Variants in CLDN14 observed in about 807,000 individuals in gnomAD.
The protein encoded by CLDN14 is claudin-14.
A neutral mutation model predicts 2.1 loss-of-function variants in CLDN14; 2 were observed. The observed-to-expected ratio is 0.96, with a 90% CI of 0.39 to 3.01. The LOEUF (loss-of-function observed/expected upper bound fraction) is 3.01. CLDN14 is among the 30% of genes most tolerant of loss of function. The pLI is 0.09. For synonymous variants in CLDN14, 136 were observed against 154.4 expected, an observed-to-expected ratio of 0.88 and a Z score of 0.88; for missense variants, 298 against 328.0, an observed-to-expected ratio of 0.91 and a Z score of 0.71.
intron 1 of CLDN14, among the ~76,000 whole-genome samples, chr21:36,554,059 C>T (rs1017937727): frequency 6.6e-6 from 1 of 152,158 alleles, no homozygotes; most frequent in Admixed American, 6.5e-5. Context: ...GGGACATCTA[C>T]GTGCCTTGCC....
intron 2 of CLDN14, among the ~76,000 whole-genome samples, chr21:36,491,989 A>G (rs1183083138): frequency 2.0e-5 from 3 of 152,122 alleles, no homozygotes; most frequent in Non-Finnish European, 2.9e-5. Context: ...CTTTGGAAAT[A>G]GAGTCTTTAT....
chr21:36,479,351 G>A (rs2086816899), intron 1 of CLDN14, 144 bp downstream of exon 1: 2 of 152,034 alleles, frequency 1.3e-5, no homozygotes, highest in Non-Finnish European at 2.9e-5. Context: ...TTCCTGTAGG[G>A]GCCAGCACGG....
rs56772352 is a variant in CLDN14 at position 36,523,781 on chromosome 21, G to GAGAAAGAAAGAA, written c.-219-13293_-219-13282dup. 2.8e-3 allele frequency among the ~76,000 whole-genome samples: 107 copies of GAGAAAGAAAGAA among 38,212 alleles called. 6 individuals are homozygous for GAGAAAGAAAGAA. Among genetic ancestry groups the GAGAAAGAAAGAA allele is most frequent in the African/African-American group, 6.6e-3 (90 of 13,688 alleles). 25.1% of individuals were successfully genotyped at this position (38,212 alleles called of 152,430 possible). ...AAAAAAAGAAAGAAAGAGAGAAAGAGAGAAAGAAAGAAAGAAAGAAAGAAA... is the reference window on the plus strand; with the variant it reads ...AAAAAAAGAAAGAAAGAGAGAAAGAGAGAAAGAAAGAAAGAAAGAAAGAAAGAAAGAAAGAAA... On this transcript the variant is annotated intron_variant, in intron 1 of 2. Transcript: ENST00000342108.
intron 1 of CLDN14, among the ~76,000 whole-genome samples, chr21:36,543,395 G>A (rs189029605): frequency 5.3e-5 from 8 of 152,224 alleles, no homozygotes; most frequent in East Asian, 3.9e-4. Flanking sequence ...CATAGTTCCC[G>A]TATGAAGATA....
chr21:36,570,240 G>A (rs1223448023), intron 1 of CLDN14, among the ~76,000 whole-genome samples: 1 of 152,230 alleles, frequency 6.6e-6, no homozygotes, highest in Non-Finnish European at 1.5e-5. Context: ...GGAGACCAAA[G>A]TTTGTCATGC....
At chr21:36,520,761 G>C (rs770979070) in intron 1 of CLDN14, among the ~76,000 whole-genome samples, 7 of 152,166 alleles carry the variant, frequency 4.6e-5, no homozygotes, top group Non-Finnish European at 8.8e-5. Flanking sequence ...AGTCACAACA[G>C]ATGGAGACTC....
intron 1 of CLDN14, among the ~76,000 whole-genome samples, chr21:36,567,340 G>A (rs907379003): frequency 1.3e-5 from 2 of 152,216 alleles, no homozygotes; most frequent in Admixed American, 1.3e-4. Flanking sequence ...AAGGCACATC[G>A]CTTCAATTAA....
upstream of CLDN14, among the ~76,000 whole-genome samples, chr21:36,482,678 C>A (rs2086860732): frequency 6.6e-6 from 1 of 152,172 alleles, no homozygotes; most frequent in Non-Finnish European, 1.5e-5. Context: ...CACATGCTGA[C>A]AACTTGAGTC....
intron 1 of CLDN14, among the ~76,000 whole-genome samples, chr21:36,559,810 T>C (rs1398785281): frequency 6.6e-6 from 1 of 152,246 alleles, no homozygotes; most frequent in Non-Finnish European, 1.5e-5. Flanking sequence ...CTTGTTACCC[T>C]AGAAACATTT....
chr21:36,506,116 A>C (rs940446370), intron 2 of CLDN14, among the ~76,000 whole-genome samples: 1 of 152,258 alleles, frequency 6.6e-6, no homozygotes, highest in African/African-American at 2.4e-5. Context: ...AAAACTGGAT[A>C]AAATGTAAAT....
chr21:36,536,726 A>G (rs1302333499), intron 1 of CLDN14, among the ~76,000 whole-genome samples: 1 of 152,222 alleles, frequency 6.6e-6, no homozygotes, highest in African/African-American at 2.4e-5. Context: ...ATGTTAAGAA[A>G]ATATTTTCTC....
chr21:36,559,621 A>G (rs1336871007), intron 1 of CLDN14, among the ~76,000 whole-genome samples: 1 of 152,256 alleles, frequency 6.6e-6, no homozygotes, highest in East Asian at 1.9e-4. Context: ...GTGCAAACTT[A>G]AAAACAAGAA....
At chr21:36,548,775 A>G (rs1053190594) in intron 1 of CLDN14, among the ~76,000 whole-genome samples, 7 of 152,104 alleles carry the variant, frequency 4.6e-5, no homozygotes, top group Admixed American at 4.6e-4. Flanking sequence ...TGGAAGAGCT[A>G]AGAGCTCCTC....
chr21:36,574,584 A>G (rs1404745715), intron 1 of CLDN14, among the ~76,000 whole-genome samples: 1 of 152,202 alleles, frequency 6.6e-6, no homozygotes, highest in Non-Finnish European at 1.5e-5. Flanking sequence ...GCTCAAGGGA[A>G]CTTTCTGGTG....
intron 2 of CLDN14, chr21:36,486,732 G>A: frequency 9.6e-7 from 1 of 1,044,504 alleles, no homozygotes; most frequent in Non-Finnish European, 1.5e-6. Flanking sequence ...AGTTTCACCA[G>A]ATCCTTCTCA....
intron 1 of CLDN14, among the ~76,000 whole-genome samples, chr21:36,563,345 A>G (rs369219738): frequency 3.3e-5 from 5 of 152,122 alleles, no homozygotes; most frequent in Non-Finnish European, 5.9e-5. Context: ...AGGCTACCCA[A>G]CTGGATATGT....
intron 1 of CLDN14, among the ~76,000 whole-genome samples, chr21:36,537,781 C>G (rs914963944): frequency 6.6e-6 from 1 of 152,046 alleles, no homozygotes; most frequent in African/African-American, 2.4e-5. Context: ...TCCCAAGTAG[C>G]TGGCGTTACA....
At chr21:36,575,819 C>T (rs945951069) in intron 1 of CLDN14, among the ~76,000 whole-genome samples, 1 of 152,152 alleles carries the variant, frequency 6.6e-6, no homozygotes, top group Non-Finnish European at 1.5e-5. Context: ...GCTTTTGGGG[C>T]ATAAATAAGA....
chr21:36,538,401 G>A (rs1161108756), intron 1 of CLDN14, among the ~76,000 whole-genome samples: 2 of 152,114 alleles, frequency 1.3e-5, no homozygotes, highest in Non-Finnish European at 2.9e-5. Context: ...GGATCACAAG[G>A]TCAAGAGATC....
Sources: gnomAD v4.1 joint callset for allele counts (sites outside exome capture counted in the v4.1 genomes callset) on GRCh38, gnomAD v4.1.1 for gene constraint, MANE v1.5 for transcripts, NCBI Gene and HGNC (gene_info 2026-07-23, HGNC 2026-07-21) for gene names.